NGEF: variants seen among roughly 807,000 people sequenced by gnomAD.
NGEF encodes the protein neuronal guanine nucleotide exchange factor.
Under a neutral mutation model 80.9 loss-of-function variants are expected in NGEF, and 31 were observed. The observed-to-expected ratio is 0.38, with a 90% CI of 0.29 to 0.52. The LOEUF (loss-of-function observed/expected upper bound fraction) is 0.52, where lower values mean the gene tolerates loss of function less well. Among genes scored for constraint, NGEF ranks in the 20% least tolerant of loss-of-function variants. The probability of loss-of-function intolerance (pLI) is 0.84; values close to 1 mark genes in which losing one functional copy is unlikely to be tolerated. For missense variants in NGEF, 709 were observed against 926.2 expected (o/e 0.77, Z 3.04); for synonymous variants, 371 against 370.2 (o/e 1.00, Z -0.03).
At chr2:233,001,747 C>T (rs996942969) in intron 1 of NGEF, among the ~76,000 whole-genome samples, 5 of 152,172 alleles carry the variant, frequency 3.3e-5, no homozygotes, top group Non-Finnish European at 5.9e-5. Flanking sequence ...GGTGTGGTGG[C>T]GTGCGCCTGT....
At chr2:232,902,658 G>A (rs982581169) in intron 5 of NGEF, among the ~76,000 whole-genome samples, 3 of 152,200 alleles carry the variant, frequency 2.0e-5, no homozygotes, top group Admixed American at 6.5e-5. Flanking sequence ...AAAGACACAT[G>A]CTTGAGAACA....
intron 5 of NGEF, among the ~76,000 whole-genome samples, chr2:232,915,548 G>C (rs1455564853): frequency 6.6e-6 from 1 of 152,186 alleles, no homozygotes; most frequent in African/African-American, 2.4e-5. Flanking sequence ...GGCAGCTCTA[G>C]AGAGTATAAA....
chr2:232,891,110 C>A, intron 8 of NGEF: 1 of 581,774 alleles, frequency 1.7e-6, no homozygotes, highest in South Asian at 1.6e-5. Flanking sequence ...CCTGTCGTGT[C>A]GGCCCATTTG....
intron 2 of NGEF, among the ~76,000 whole-genome samples, chr2:232,972,590 C>T (rs1574646547): frequency 6.6e-6 from 1 of 152,124 alleles, no homozygotes; most frequent in African/African-American, 2.4e-5. Flanking sequence ...GTGGCTCAAT[C>T]TCTGTGGGCC....
At chr2:232,891,022 C>A in intron 8 of NGEF, 1 of 494,070 alleles carries the variant, frequency 2.0e-6, no homozygotes, top group Non-Finnish European at 4.1e-6. Context: ...TCCCTGTCAG[C>A]CAGGTCTCAG....
intron 1 of NGEF, among the ~76,000 whole-genome samples, chr2:232,993,954 G>A (rs987733148): frequency 1.1e-4 from 17 of 152,160 alleles, no homozygotes; most frequent in Admixed American, 1.1e-3. Context: ...AAATGGGGAT[G>A]GGATTTCTTT....
intron 5 of NGEF, among the ~76,000 whole-genome samples, chr2:232,912,304 T>C (rs891915452): frequency 2.0e-5 from 3 of 152,124 alleles, no homozygotes; most frequent in African/African-American, 7.2e-5. Flanking sequence ...GTTAATATGG[T>C]GGGTTACATT....
intron 3 of NGEF, among the ~76,000 whole-genome samples, chr2:232,944,764 T>TATATATATG (rs1553552753): frequency 7.1e-6 from 1 of 140,388 alleles, no homozygotes; most frequent in African/African-American, 2.6e-5. Context: ...TATATATATC[T>TATATATATG]TTTTGGAGAT....
At chr2:232,916,233 C>T (rs1308602444) in intron 5 of NGEF, among the ~76,000 whole-genome samples, 3 of 152,352 alleles carry the variant, frequency 2.0e-5, no homozygotes, top group South Asian at 4.1e-4. Context: ...CTTTTTGCCA[C>T]GCACTGTCTT....
Position 232,891,126 on chromosome 2 carries a change from C to G in NGEF, c.1272+232G>C, listed in dbSNP as rs1440428304. On this transcript the variant is annotated intron_variant, in intron 8 of 14. Coordinates refer to ENST00000264051, the MANE Select transcript of NGEF (RefSeq NM_019850.3). ...CTGTCGTGTCGGCCCATTTGGCTGT[C>G]CCCAGGGCCATGCCCACTTCCTGGC... The G allele has an allele frequency of 1.1e-5, 7 of 613,092 alleles. No homozygotes were observed. The African/African-American group carries it at 1.3e-4, about 11-fold the overall frequency. The allele number at this position is 613,092 out of a possible 1,614,324, so 38.0% of individuals were successfully genotyped here.
chr2:232,908,110 A>C (rs1692617348), intron 5 of NGEF, among the ~76,000 whole-genome samples: 1 of 152,046 alleles, frequency 6.6e-6, no homozygotes, highest in Non-Finnish European at 1.5e-5. Flanking sequence ...ACTCTGTCAC[A>C]AAAAAAATAA....
rs1311004680 is a variant in NGEF at position 232,882,364 on chromosome 2, T to TCCA, written c.1758-102_1758-100dup. The TCCA allele has an allele frequency of 5.5e-6, 6 of 1,093,006 alleles. 1 individual carries two copies. The highest frequency in any genetic ancestry group is 8.1e-6 in the Non-Finnish European group (6 of 738,284). 67.7% of individuals were successfully genotyped at this position (1,093,006 alleles called of 1,614,324 possible). ...CAGCTAGCTGCCCCTCGGATCTGCG[T>TCCA]CCACCATCCTGAGCACCGCTCAAGC... is the stretch of plus-strand genomic sequence containing the variant. On this transcript the variant is annotated intron_variant, in intron 12 of 14. Coordinates refer to ENST00000264051, the MANE Select transcript of NGEF (RefSeq NM_019850.3).
intron 3 of NGEF, among the ~76,000 whole-genome samples, chr2:232,940,043 G>T (rs571838877): frequency 6.6e-6 from 1 of 152,174 alleles, no homozygotes; most frequent in South Asian, 2.1e-4. Flanking sequence ...CCAGTGTTTT[G>T]GGTAGGGATG....
intron 1 of NGEF, among the ~76,000 whole-genome samples, chr2:232,993,168 A>AT (rs1694698807): frequency 2.4e-5 from 2 of 84,924 alleles, no homozygotes; most frequent in African/African-American, 1.9e-4. Flanking sequence ...TATATATATT[A>AT]TATATATAAA....
intron 3 of NGEF, among the ~76,000 whole-genome samples, chr2:232,967,778 GC>G (rs777434248): frequency 6.6e-6 from 1 of 151,598 alleles, no homozygotes; most frequent in Non-Finnish European, 1.5e-5. Flanking sequence ...AGGAAGTGTT[GC>G]CTCCCCACCT....
At chr2:232,918,247 T>G (rs906775024) in intron 5 of NGEF, among the ~76,000 whole-genome samples, 2 of 151,918 alleles carry the variant, frequency 1.3e-5, no homozygotes, top group Non-Finnish European at 2.9e-5. Context: ...CATGAGCCAC[T>G]GTGCCTGGCT....
intron 5 of NGEF, among the ~76,000 whole-genome samples, chr2:232,905,345 C>G (rs539690679): frequency 1.3e-5 from 2 of 152,246 alleles, no homozygotes; most frequent in South Asian, 2.1e-4. Context: ...CGCGAGTGAT[C>G]CGCCAGCCTC....
chr2:232,894,929 G>A lies in NGEF; in HGVS notation c.829-13C>T, dbSNP rs748885152. 13 of 1,562,296 alleles carry A rather than the reference G, an allele frequency of 8.3e-6. 1 individual carries two copies. Among genetic ancestry groups the A allele is most frequent in the African/African-American group, 4.0e-5 (3 of 74,370 alleles). ...GCTCGAACATGGCCTGTAGCAGGGA[G>A]ACCCCATGGTTACCGCCTGAAGTTG... On this transcript the variant is annotated splice_polypyrimidine_tract_variant and intron_variant, in intron 5 of 14. Coordinates refer to ENST00000264051, the MANE Select transcript of NGEF (RefSeq NM_019850.3).
At chr2:232,902,069 G>A (rs555510357) in intron 5 of NGEF, among the ~76,000 whole-genome samples, 3 of 152,206 alleles carry the variant, frequency 2.0e-5, no homozygotes, top group Admixed American at 6.5e-5. Flanking sequence ...GGCGCAGGGC[G>A]CTCCCAAGCT....
Sources: allele counts gnomAD v4.1 joint callset (sites outside exome capture counted in the v4.1 genomes callset), GRCh38; gene constraint gnomAD v4.1.1; transcripts MANE v1.5; gene names NCBI Gene and HGNC (gene_info 2026-07-23, HGNC 2026-07-21).